HAP1: variants seen among roughly 807,000 people sequenced by gnomAD.
The protein encoded by HAP1 is huntingtin associated protein 1.
A neutral mutation model predicts 60.3 loss-of-function variants in HAP1; 59 were observed. That is an observed-to-expected ratio of 0.98 (90% CI 0.79 to 1.22). The LOEUF (loss-of-function observed/expected upper bound fraction) is 1.22. HAP1 is among the 50% of genes most tolerant of loss of function. The probability of loss-of-function intolerance (pLI) is 0.00; values close to 1 mark genes in which losing one functional copy is unlikely to be tolerated. For missense variants in HAP1, 825 were observed against 785.3 expected (o/e 1.05, Z -0.60); for synonymous variants, 346 against 330.6 (o/e 1.05, Z -0.50).
chr17:41,731,369 C>A (rs1372179447), intron 6 of HAP1, 124 bp downstream of exon 6: 9 of 759,524 alleles, frequency 1.2e-5, no homozygotes, highest in Middle Eastern at 3.6e-4. Flanking sequence ...AGGAATGTAT[C>A]CAAGTTCACA....
chr17:41,721,593 G>T, downstream of HAP1: 1 of 174,346 alleles, frequency 5.7e-6, no homozygotes. Context: ...TTTGAGACAG[G>T]GTCTTACTCT....
chr17:41,729,245 GTTTT>G (rs1358213405), intron 6 of HAP1, among the ~76,000 whole-genome samples: 3 of 149,258 alleles, frequency 2.0e-5, no homozygotes, highest in Admixed American at 6.7e-5. Context: ...CCGGCTACTT[GTTTT>G]TTAAGAAATG....
At position 41,723,199 on chromosome 17, in the gene HAP1, GC is replaced by G; in HGVS notation, c.*1501del. On this transcript the variant is annotated 3_prime_UTR_variant, in exon 11 of 11. Coordinates refer to ENST00000347901, the MANE Select transcript of HAP1 (RefSeq NM_177977.3). ...AGTGGGCCTCTCCCGGGCTTCTCCT[GC>G]CCCCTGGGCTGCCATGTGGCCCAGA... 6.6e-6 allele frequency: 1 copy of G among 152,398 alleles called. No homozygotes were observed. Among genetic ancestry groups the G allele is most frequent in the Non-Finnish European group, 1.5e-5 (1 of 68,114 alleles). The allele number at this position is 152,398 out of a possible 1,614,324, so 9.4% of individuals were successfully genotyped here. A position where few individuals can be genotyped will look rare whatever the true frequency, so the allele number is the denominator to read the frequency against.
chr17:41,718,480 C>T (rs1911070108), downstream of HAP1, among the ~76,000 whole-genome samples: 1 of 152,092 alleles, frequency 6.6e-6, no homozygotes, highest in Non-Finnish European at 1.5e-5. Context: ...AGCTCTTGTG[C>T]CAGCTGCAGA....
Position 41,724,692 on chromosome 17 carries a change from C to CA in HAP1, c.*8_*9insT, listed in dbSNP as rs782206368. On this transcript the variant is annotated 3_prime_UTR_variant, in exon 11 of 11. Transcript: ENST00000347901. Reference sequence around the variant, plus strand: ...GTGAGCACTCGGGGAGCTTATCCACCCTCTCTTTTCATCGGCACGACGATC... The same window carrying CA: ...GTGAGCACTCGGGGAGCTTATCCACCACTCTCTTTTCATCGGCACGACGATC... 1 of 1,578,292 alleles carries CA rather than the reference C, an allele frequency of 6.3e-7. No homozygotes were observed. The highest frequency in any genetic ancestry group is 1.7e-5 in the Admixed American group (1 of 58,862).
rs1417453466 is a variant in HAP1, at chr17:41,734,138, G to T, written c.469+28C>A. The T allele has an allele frequency of 2.6e-6, 4 of 1,532,050 alleles. No individual in the cohort carries two copies. The East Asian group carries it at 9.2e-5, about 35-fold the overall frequency. 94.9% of individuals were successfully genotyped at this position (1,532,050 alleles called of 1,614,324 possible). A position where few individuals can be genotyped will look rare whatever the true frequency, so the allele number is the denominator to read the frequency against. The stretch of plus-strand genomic sequence containing the variant: ...CCTGGAGTTGCCCCAGTCCCCACCC[G>T]GTCCAGGACCCCGGGGGCCCGATTT... On this transcript the variant is annotated intron_variant, in intron 1 of 10. Coordinates refer to ENST00000347901, the MANE Select transcript of HAP1 (RefSeq NM_177977.3).
chr17:41,727,040 C>T lies in HAP1; in HGVS notation c.1367+13G>A, dbSNP rs782532528. The T allele has an allele frequency of 4.2e-6, 6 of 1,415,060 alleles. No homozygotes were observed. The Admixed American group carries it at 1.2e-4, about 27-fold the overall frequency. The allele number at this position is 1,415,060 out of a possible 1,614,324, so 87.7% of individuals were successfully genotyped here. On this transcript the variant is annotated intron_variant, in intron 9 of 10. Transcript: ENST00000347901. ...CATGGCCTATGGGGCAAGGGAGGGC[C>T]CCAGCCACGCACCTCTCCATAAAAT... is the stretch of plus-strand genomic sequence containing the variant.
chr17:41,729,314 C>T (rs1364127795), intron 6 of HAP1, among the ~76,000 whole-genome samples: 1 of 150,364 alleles, frequency 6.7e-6, no homozygotes, highest in Non-Finnish European at 1.5e-5. Context: ...CTTTGGGAGG[C>T]TGAGGGGGAT....
downstream of HAP1, among the ~76,000 whole-genome samples, chr17:41,719,121 G>A (rs142192549): frequency 5.0e-3 from 757 of 152,126 alleles, 7 homozygotes; most frequent in African/African-American, 0.017. Flanking sequence ...TGGGATTATA[G>A]GCAGGCACCA....
rs1007844163 is a variant in HAP1 at position 41,722,904 on chromosome 17, G to T, written c.*1797C>A. ...ACCCCCAGGCCACTGGCAGAAGAGG[G>T]AGGGAGGGAGAGGAGACACACCACT... On this transcript the variant is annotated 3_prime_UTR_variant, in exon 11 of 11. Coordinates refer to ENST00000347901, the MANE Select transcript of HAP1 (RefSeq NM_177977.3). 2 of 152,556 alleles carry T rather than the reference G, an allele frequency of 1.3e-5. No individual in the cohort carries two copies. The highest frequency in any genetic ancestry group is 2.9e-5 in the Non-Finnish European group (2 of 68,310). The allele number at this position is 152,556 out of a possible 1,614,324, so 9.5% of individuals were successfully genotyped here.
chr17:41,726,329 G>T lies in HAP1; in HGVS notation c.1368-432C>A, dbSNP rs376074115. 8.3e-4 allele frequency among the ~76,000 whole-genome samples: 125 copies of T among 150,964 alleles called. 1 individual carries two copies. In the South Asian group the frequency reaches 0.025, roughly 30 times the overall value. ...CTCAGGAGGCTGAGGTAGGAGAATC[G>T]CTTGAACCCAGGAGGCGGAGGTTGC... On this transcript the variant is annotated intron_variant, in intron 9 of 10. Transcript: ENST00000347901.
chr17:41,725,747 C>T (rs1911576593), intron 10 of HAP1, 112 bp downstream of exon 10: 4 of 823,686 alleles, frequency 4.9e-6, no homozygotes, highest in Non-Finnish European at 8.5e-6. Flanking sequence ...TTCAGCCAGC[C>T]GAGATAGCAG....
chr17:41,734,247 T>C lies in HAP1; in HGVS notation c.388A>G (p.Lys130Glu). 1.2e-6 allele frequency: 2 copies of C among 1,601,944 alleles called. No homozygotes were observed. The highest frequency in any genetic ancestry group is 1.1e-5 in the South Asian group (1 of 90,562). ...CGGCCAACGTAGGCGGCTGGCGTCTTCCAGATGCCCGCTGCCTTTCCAGTC... is the reference window on the plus strand; with the variant it reads ...CGGCCAACGTAGGCGGCTGGCGTCTCCCAGATGCCCGCTGCCTTTCCAGTC... ...RGTGKAAGIW[K>E]TPAAYVGRRP... Residue 130 changes from lysine to glutamate, a missense_variant, in exon 1 of 11, where the codon AAG (lysine) becomes GAG (glutamate). Coordinates refer to ENST00000347901, the MANE Select transcript of HAP1 (RefSeq NM_177977.3).
intron 1 of HAP1, among the ~76,000 whole-genome samples, chr17:41,733,817 G>A (rs1344504277): frequency 6.6e-6 from 1 of 151,106 alleles, no homozygotes; most frequent in Non-Finnish European, 1.5e-5. Flanking sequence ...GACTCAGAGC[G>A]CGCGGGACAG....
At chr17:41,726,290 T>C (rs559239496) in intron 9 of HAP1, among the ~76,000 whole-genome samples, 168 of 151,984 alleles carry the variant, frequency 1.1e-3, no homozygotes, top group African/African-American at 3.8e-3. Flanking sequence ...GATGGCCACC[T>C]GTAGTCCCAG....
At chr17:41,734,131 C>T in intron 1 of HAP1, 35 bp downstream of exon 1, 1 of 1,517,590 alleles carries the variant, frequency 6.6e-7, no homozygotes, top group East Asian at 2.3e-5. Flanking sequence ...TGCCCCAGTC[C>T]CCACCCGGTC....
At position 41,727,804 on chromosome 17, in the gene HAP1, C is replaced by G. The variant is rs782319993; in HGVS notation, c.1233G>C (p.Gln411His). ...TCTGGATTTCCTTCTCCGAAGCCAGCTGCTTCTGCAACTTTTCAGTCTCAG... is the reference window on the plus strand; with the variant it reads ...TCTGGATTTCCTTCTCCGAAGCCAGGTGCTTCTGCAACTTTTCAGTCTCAG... ...YGAETEKLQK[Q>H]LASEKEIQMQ... The change falls in exon 8 of 11, where the codon CAG becomes CAC. Residue 411 changes from glutamine to histidine, a missense_variant. By Grantham distance (24) the Gln-to-His change is conservative. Transcript: ENST00000347901. The G allele has an allele frequency of 6.2e-7, 1 of 1,611,894 alleles. No individual in the cohort carries two copies. The highest frequency in any genetic ancestry group is 1.3e-5 in the African/African-American group (1 of 75,018).
At chr17:41,733,903 C>A (rs1912474184) in intron 1 of HAP1, among the ~76,000 whole-genome samples, 2 of 152,224 alleles carry the variant, frequency 1.3e-5, no homozygotes, top group South Asian at 4.1e-4. Context: ...GGGTGCAGAT[C>A]TGCCGCAGCA....
rs1318164422 is a variant in HAP1, at chr17:41,734,329, C to T, written c.306G>A (p.Ala102=). Residue 102 remains alanine (A), a synonymous_variant, in exon 1 of 11, where the codon GCG becomes GCA. Transcript: ENST00000347901. ...CTTGGAATACGAAGCGGGTCCACGG[C>T]GCGTCCGAATTGTCGGGCATAGACC... is the stretch of plus-strand genomic sequence containing the variant. The part of the protein sequence containing the change: ...DVRSMPDNSD[A]PWTRFVFQGP... 1.9e-6 allele frequency: 3 copies of T among 1,608,798 alleles called. No homozygotes were observed. The highest frequency in any genetic ancestry group is 2.5e-6 in the Non-Finnish European group (3 of 1,177,198).
Sources: gnomAD v4.1 joint callset for allele counts (sites outside exome capture counted in the v4.1 genomes callset) on GRCh38, gnomAD v4.1.1 for gene constraint, MANE v1.5 for transcripts, NCBI Gene and HGNC (gene_info 2026-07-23, HGNC 2026-07-21) for gene names.